The following CNDP1 variants were observed in gnomAD, a reference collection of about 807,000 sequenced individuals.
CNDP1 encodes carnosine dipeptidase 1.
In CNDP1, 44 loss-of-function variants were observed where a neutral mutation model predicts 58.1. The observed-to-expected ratio is 0.76, with a 90% confidence interval of 0.60 to 0.97. The LOEUF (loss-of-function observed/expected upper bound fraction) is 0.97, where lower values mean the gene tolerates loss of function less well. Ranked by LOEUF, CNDP1 falls within the 50% of genes least tolerant of loss-of-function variation. CNDP1 has a pLI of 0.00. For synonymous variants in CNDP1, 254 were observed against 252.6 expected, an observed-to-expected ratio of 1.01 and a Z score of -0.05; for missense variants, 616 against 655.1, an observed-to-expected ratio of 0.94 and a Z score of 0.65.
At chr18:74,538,372 C>G (rs1040024850) in intron 1 of CNDP1, among the ~76,000 whole-genome samples, 10 of 152,206 alleles carry the variant, frequency 6.6e-5, no homozygotes, top group African/African-American at 1.9e-4. Flanking sequence ...GACTGCATTC[C>G]TTTTCATGGC....
chr18:74,562,971 C>G (rs1050835822), intron 5 of CNDP1, among the ~76,000 whole-genome samples: 1 of 152,154 alleles, frequency 6.6e-6, no homozygotes, highest in African/African-American at 2.4e-5. Flanking sequence ...GCCCTGGGGT[C>G]TGGTTTCATC....
rs1981688109 is a variant in CNDP1 at position 74,578,345 on chromosome 18, T to C, written c.1167+18T>C. On this transcript the variant is annotated intron_variant, in intron 9 of 11. Transcript: ENST00000358821. ...AAAAACAGGTAACAAATGCTTATTG[T>C]GACAATAACATGTTTCAGTAACATG... The C allele has an allele frequency of 6.3e-7, 1 of 1,592,498 alleles. No individual in the cohort carries two copies. The highest frequency in any genetic ancestry group is 1.7e-4 in the Middle Eastern group (1 of 5,936).
In CNDP1 at chr18:74,560,878, C is replaced by T. The variant is rs769559563; in HGVS notation, c.326C>T (p.Pro109Leu). Residue 109 changes from proline (P) to leucine (L), a missense_variant, in exon 4 of 12, where the codon CCA (proline) becomes CTA (leucine). Pro to Leu is a moderately conservative substitution (Grantham distance 98). Coordinates refer to ENST00000358821, the MANE Select transcript of CNDP1 (RefSeq NM_032649.6). ...CAGCTGCCCGATGGTCAGAGTCTTC[C>T]AATACCTCCCGTCATCCTGGCCGAA... ...PQQLPDGQSL[P>L]IPPVILAELG... 1.2e-5 allele frequency: 19 copies of T among 1,613,910 alleles called. No individual in the cohort carries two copies. In the South Asian group the frequency reaches 1.8e-4, roughly 15 times the overall value.
chr18:74,556,424 A>G lies in CNDP1; in HGVS notation c.111A>G (p.Lys37=). Residue 37 remains lysine (K), a synonymous_variant, in exon 2 of 12, where the codon AAA becomes AAG. Coordinates refer to ENST00000358821, the MANE Select transcript of CNDP1 (RefSeq NM_032649.6). ...SPSPPPALLE[K]VFQYIDLHQD... is the part of the protein sequence containing the mutation. ...CCCCGCCCCCGGCGCTGTTAGAGAA[A>G]GTCTTCCAGTACATTGACCTCCATC... 1 of 1,614,226 alleles carries G rather than the reference A, an allele frequency of 6.2e-7. No individual in the cohort carries two copies. Among genetic ancestry groups the G allele is most frequent in the Non-Finnish European group, 8.5e-7 (1 of 1,180,032 alleles).
intron 5 of CNDP1, among the ~76,000 whole-genome samples, chr18:74,562,451 T>G (rs902399134): frequency 1.4e-4 from 22 of 152,268 alleles, no homozygotes; most frequent in African/African-American, 5.1e-4. Context: ...AGCTGCTATC[T>G]GATGGGACTG....
chr18:74,572,846 C>CA (rs33911381), intron 7 of CNDP1, among the ~76,000 whole-genome samples: 36,745 of 138,958 alleles, frequency 0.26, 6,480 homozygotes, highest in African/African-American at 0.51. Flanking sequence ...ATAGAAAAAG[C>CA]AAAAAAAAAA....
At chr18:74,550,106 C>T (rs895003349) in intron 1 of CNDP1, among the ~76,000 whole-genome samples, 1 of 152,230 alleles carries the variant, frequency 6.6e-6, no homozygotes, top group African/African-American at 2.4e-5. Context: ...GGAGTCCCCA[C>T]ATAGGGTCCC....
rs755323414 is a variant in CNDP1, at chr18:74,559,483, ATTCC to A, written c.303+12_303+15del. ...ATGGGTCCTCAGCAGGTGCTGTACG[ATTCC>A]CTCCCACTGAGGGAGGTGCTACTTC... is the stretch of plus-strand genomic sequence containing the variant. On this transcript the variant is annotated intron_variant, in intron 3 of 11. Coordinates refer to ENST00000358821, the MANE Select transcript of CNDP1 (RefSeq NM_032649.6). The A allele has an allele frequency of 4.8e-5, 77 of 1,594,484 alleles. No homozygotes were observed. The highest frequency in any genetic ancestry group is 4.6e-4 in the Admixed American group (26 of 57,094).
chr18:74,581,641 T>C (rs368637900), intron 10 of CNDP1, among the ~76,000 whole-genome samples: 1 of 152,198 alleles, frequency 6.6e-6, no homozygotes, highest in Admixed American at 6.5e-5. Flanking sequence ...CCTGTTTTAA[T>C]TCCATGCACT....
rs1376494945 is a variant in CNDP1, at chr18:74,556,335, C to CA, written c.25-2dup. Reference sequence around the variant, plus strand: ...TCGTTCCTCCCATGTCAAACCCTTCCAGGCTGCGTCCCTGCTGGCTGTGCT... The same window carrying CA: ...TCGTTCCTCCCATGTCAAACCCTTCCAAGGCTGCGTCCCTGCTGGCTGTGCT... On this transcript the variant is annotated splice_region_variant and splice_polypyrimidine_tract_variant and intron_variant, in intron 1 of 11. Coordinates refer to ENST00000358821, the MANE Select transcript of CNDP1 (RefSeq NM_032649.6). The CA allele has an allele frequency of 6.2e-7, 1 of 1,610,270 alleles. No homozygotes were observed. Among genetic ancestry groups the CA allele is most frequent in the Non-Finnish European group, 8.5e-7 (1 of 1,179,338 alleles).
At chr18:74,562,308 G>A (rs1981223227) in intron 5 of CNDP1, among the ~76,000 whole-genome samples, 173 bp downstream of exon 5, 1 of 152,160 alleles carries the variant, frequency 6.6e-6, no homozygotes, top group South Asian at 2.1e-4. Context: ...AGTAAGTCTT[G>A]GGAAGGTCAG....
At chr18:74,576,732 A>C (rs1187869895) in intron 7 of CNDP1, 137 bp from the exon 8 acceptor site, 61 of 645,596 alleles carry the variant, frequency 9.4e-5, no homozygotes, top group Non-Finnish European at 9.1e-5. Flanking sequence ...GTTGCTGCCA[A>C]TGGCTTTGGC....
chr18:74,566,085 C>T (rs7228575), intron 5 of CNDP1, among the ~76,000 whole-genome samples: 54,014 of 152,128 alleles, frequency 0.36, 10,903 homozygotes, highest in Non-Finnish European at 0.44. Context: ...AGCCACAGCC[C>T]GAGCTGTACA....
At chr18:74,567,654 T>C (rs1395164627) in intron 6 of CNDP1, among the ~76,000 whole-genome samples, 1 of 152,094 alleles carries the variant, frequency 6.6e-6, no homozygotes, top group Non-Finnish European at 1.5e-5. Flanking sequence ...CTATGTACCT[T>C]GTTCTGGAGA....
chr18:74,562,203 T>A, intron 5 of CNDP1, 68 bp downstream of exon 5: 1 of 1,444,356 alleles, frequency 6.9e-7, no homozygotes, highest in Non-Finnish European at 9.7e-7. Context: ...TTGAGTTGTT[T>A]GCTGTGTTCT....
intron 1 of CNDP1, among the ~76,000 whole-genome samples, chr18:74,541,261 C>T (rs1980617977): frequency 6.6e-6 from 1 of 152,212 alleles, no homozygotes; most frequent in Admixed American, 6.5e-5. Flanking sequence ...TTAGCTGCCA[C>T]AGGAGCTGCC....
At chr18:74,583,350 T>C (rs577428034) in intron 10 of CNDP1, among the ~76,000 whole-genome samples, 2 of 152,270 alleles carry the variant, frequency 1.3e-5, no homozygotes, top group Admixed American at 6.5e-5. Context: ...AAGACATCCA[T>C]AGTTTTCTTC....
At chr18:74,541,808 A>G (rs1177574726) in intron 1 of CNDP1, among the ~76,000 whole-genome samples, 1 of 152,124 alleles carries the variant, frequency 6.6e-6, no homozygotes, top group African/African-American at 2.4e-5. Context: ...AGCGGTTACA[A>G]TCCCCCACTT....
intron 7 of CNDP1, among the ~76,000 whole-genome samples, chr18:74,575,890 G>C (rs1019827958): frequency 2.8e-4 from 29 of 103,064 alleles, no homozygotes; most frequent in African/African-American, 1.0e-3. Flanking sequence ...TTTTTTTTGA[G>C]ACGGAGTCTC....
Sources: allele counts gnomAD v4.1 joint callset (sites outside exome capture counted in the v4.1 genomes callset), GRCh38; gene constraint gnomAD v4.1.1; transcripts MANE v1.5; gene names NCBI Gene and HGNC (gene_info 2026-07-23, HGNC 2026-07-21).